The following FAM13A variants were observed in gnomAD, a reference collection of about 807,000 sequenced individuals.
FAM13A encodes family with sequence similarity 13 member A.
A neutral mutation model predicts 129.6 loss-of-function variants in FAM13A; 76 were observed. The ratio of observed to expected loss-of-function variants is 0.59; its 90% CI spans 0.49 to 0.71. The LOEUF is 0.71. FAM13A is among the 30% of genes least tolerant of loss of function. FAM13A has a pLI of 0.00. For missense variants in FAM13A, 1,108 were observed against 1,249.3 expected (o/e 0.89, Z 1.70); for synonymous variants, 443 against 449.9 (o/e 0.98, Z 0.20).
intron 3 of FAM13A, among the ~76,000 whole-genome samples, chr4:88,995,801 T>C (rs1763465976): frequency 6.6e-6 from 1 of 152,200 alleles, no homozygotes; most frequent in South Asian, 2.1e-4. Flanking sequence ...TAGAGAACCC[T>C]GACTAATACA....
rs1765125694 is a variant in FAM13A at position 89,006,961 on chromosome 4, G to C, written c.427+13499C>G. The stretch of plus-strand genomic sequence containing the variant: ...TGTCCCTCTGCCAGCTGAGGTCTGG[G>C]GTTCATATGGGCACAGGATAGGGGG... On this transcript the variant is annotated intron_variant, in intron 3 of 23. Transcript: ENST00000264344. Among the ~76,000 whole-genome samples the C allele has an allele frequency of 2.0e-5, 3 of 152,066 alleles. No homozygotes were observed. In the South Asian group the frequency reaches 6.2e-4, roughly 32 times the overall value.
At chr4:88,750,391 G>T in intron 15 of FAM13A, 33 bp downstream of exon 15, 1 of 1,512,082 alleles carries the variant, frequency 6.6e-7, no homozygotes, top group Non-Finnish European at 9.2e-7. Flanking sequence ...TGGGGATGAT[G>T]CATTTGTCTA....
rs369009139 is a variant in FAM13A at position 88,961,297 on chromosome 4, G to T, written c.606-23056C>A. ...CACTGAACAAATAATACCTATATTT[G>T]CCAAGAAAAGAGATACATAAAAACA... is the stretch of plus-strand genomic sequence containing the variant. On this transcript the variant is annotated intron_variant, in intron 4 of 23. Coordinates refer to ENST00000264344, the MANE Select transcript of FAM13A (RefSeq NM_014883.4). Among the ~76,000 whole-genome samples, 62 of 141,752 alleles carry T rather than the reference G, an allele frequency of 4.4e-4. No homozygotes were observed. In the South Asian group the frequency reaches 5.8e-3, roughly 13 times the overall value. 93.0% of individuals were successfully genotyped at this position (141,752 alleles called of 152,430 possible).
intron 6 of FAM13A, among the ~76,000 whole-genome samples, chr4:88,870,183 G>A (rs942446781): frequency 6.6e-6 from 1 of 152,050 alleles, no homozygotes; most frequent in African/African-American, 2.4e-5. Context: ...GGCTGAATAG[G>A]AACAGCTCCG....
intron 1 of FAM13A, among the ~76,000 whole-genome samples, chr4:89,045,543 CG>C (rs1770732283): frequency 1.3e-5 from 2 of 152,086 alleles, no homozygotes; most frequent in Admixed American, 6.5e-5. Flanking sequence ...CATCACAACC[CG>C]GAACAGTCCA....
chr4:89,046,620 C>G (rs1290173527), intron 1 of FAM13A, among the ~76,000 whole-genome samples: 3 of 152,154 alleles, frequency 2.0e-5, no homozygotes, highest in South Asian at 2.1e-4. Context: ...GAGGCCAAGA[C>G]AGGCAGACTG....
chr4:88,935,585 AC>A (rs1753720034), intron 5 of FAM13A, among the ~76,000 whole-genome samples: 1 of 152,012 alleles, frequency 6.6e-6, no homozygotes, highest in African/African-American at 2.4e-5. Context: ...TTCTTTAATT[AC>A]CTTCTCATTT....
rs572720267 is a variant in FAM13A, at chr4:88,955,878, C to T, written c.606-17637G>A. Reference sequence around the variant, plus strand: ...GCATAAAAGTTTGGGAAATTTGCAGCCTGATGATGCAATAGAAAAGAAAAA... The same window carrying T: ...GCATAAAAGTTTGGGAAATTTGCAGTCTGATGATGCAATAGAAAAGAAAAA... On this transcript the variant is annotated intron_variant, in intron 4 of 23. Transcript: ENST00000264344. Among the ~76,000 whole-genome samples, 4 of 152,162 alleles carry T rather than the reference C, an allele frequency of 2.6e-5. No individual in the cohort carries two copies. The South Asian group carries it at 8.3e-4, about 32-fold the overall frequency.
chr4:88,960,764 A>G (rs1758495180), intron 4 of FAM13A, among the ~76,000 whole-genome samples: 3 of 152,204 alleles, frequency 2.0e-5, no homozygotes, highest in Admixed American at 1.3e-4. Flanking sequence ...CTTCCTGAAT[A>G]GATTTACAGG....
chr4:89,018,244 A>T (rs1766776557), intron 3 of FAM13A, among the ~76,000 whole-genome samples: 1 of 152,208 alleles, frequency 6.6e-6, no homozygotes, highest in Admixed American at 6.5e-5. Context: ...ATCCAATAGG[A>T]CTAGTGTCCT....
chr4:89,052,014 G>A (rs1274072171), intron 1 of FAM13A, among the ~76,000 whole-genome samples: 2 of 152,142 alleles, frequency 1.3e-5, no homozygotes, highest in Non-Finnish European at 2.9e-5. Flanking sequence ...GTGGCTCCGT[G>A]AAATGTTGGT....
chr4:89,025,671 G>T (rs573458783), intron 2 of FAM13A, among the ~76,000 whole-genome samples: 1 of 152,182 alleles, frequency 6.6e-6, no homozygotes, highest in African/African-American at 2.4e-5. Context: ...GTGTGCAGAG[G>T]AAAAGAAAAT....
Position 88,749,859 on chromosome 4 carries a change from G to C in FAM13A, c.1991C>G (p.Thr664Arg), listed in dbSNP as rs769074781. 39 of 1,613,864 alleles carry C rather than the reference G, an allele frequency of 2.4e-5. No homozygotes were observed. The highest frequency in any genetic ancestry group is 4.2e-6 in the Non-Finnish European group (5 of 1,179,920). Reference sequence around the variant, plus strand: ...AATCCTTCGTGTGAGCTGGGCAGGTGTCAGGTCCTCTTGCTCATCATCATA... The same window carrying C: ...AATCCTTCGTGTGAGCTGGGCAGGTCTCAGGTCCTCTTGCTCATCATCATA... Reference protein sequence around the residue: ...GSYDDEQEDLTPAQLTRRIQS... With the variant: ...GSYDDEQEDLRPAQLTRRIQS... The change falls in exon 16 of 24, where the codon ACA becomes AGA. Residue 664 changes from threonine (T) to arginine (R), a missense_variant. This residue lies in a region of FAM13A where 529 missense variants were observed against 621.2 expected (regional missense o/e 0.85). Coordinates refer to ENST00000264344, the MANE Select transcript of FAM13A (RefSeq NM_014883.4).
intron 6 of FAM13A, 88 bp downstream of exon 6, chr4:88,906,286 TCAAAA>T: frequency 4.3e-6 from 4 of 927,480 alleles, no homozygotes; most frequent in Non-Finnish European, 6.7e-6. Context: ...AGACTCTGTC[TCAAAA>T]CAAACAAACA....
Position 88,749,789 on chromosome 4 carries a change from T to C in FAM13A, c.2061A>G (p.Glu687=), listed in dbSNP as rs1462588294. ...CACTTACTCTGTACTTCTTCTCTTC[T>C]TCGAATCTATCTTCAAACTTCCGGA... ...KKIRKFEDRF[E]EEKKYRPSHS... The change falls in exon 16 of 24, where the codon GAA becomes GAG. Residue 687 remains glutamate (E), a synonymous_variant. Coordinates refer to ENST00000264344, the MANE Select transcript of FAM13A (RefSeq NM_014883.4). 2 of 1,614,200 alleles carry C rather than the reference T, an allele frequency of 1.2e-6. No individual in the cohort carries two copies. Among genetic ancestry groups the C allele is most frequent in the Admixed American group, 1.7e-5 (1 of 60,036 alleles).
intron 13 of FAM13A, among the ~76,000 whole-genome samples, chr4:88,763,556 T>C (rs1156351808): frequency 6.6e-6 from 1 of 152,214 alleles, no homozygotes; most frequent in Non-Finnish European, 1.5e-5. Context: ...CAGTCTAATC[T>C]TTGCCAAGAC....
chr4:88,806,773 A>G (rs978096085), intron 7 of FAM13A, among the ~76,000 whole-genome samples: 2 of 152,146 alleles, frequency 1.3e-5, no homozygotes, highest in African/African-American at 4.8e-5. Context: ...AGAGGGGACA[A>G]CACCTGGGAA....
At chr4:89,023,433 T>G (rs1174385456) in intron 2 of FAM13A, among the ~76,000 whole-genome samples, 1 of 143,362 alleles carries the variant, frequency 7.0e-6, no homozygotes, top group Non-Finnish European at 1.5e-5. Context: ...CATGATGTTG[T>G]TTTTTTTTTT....
At chr4:88,998,442 T>C (rs1479478838) in intron 3 of FAM13A, among the ~76,000 whole-genome samples, 1 of 152,154 alleles carries the variant, frequency 6.6e-6, no homozygotes. Flanking sequence ...GCTATTATTG[T>C]TATCATTATT....
Sources: gnomAD v4.1 joint callset for allele counts (sites outside exome capture counted in the v4.1 genomes callset) on GRCh38, gnomAD v4.1.1 for gene constraint, gnomAD v4.1.1 regional missense constraint, MANE v1.5 for transcripts, NCBI Gene and HGNC (gene_info 2026-07-23, HGNC 2026-07-21) for gene names.